Variants in KAT6B observed in about 807,000 individuals in gnomAD.
KAT6B encodes lysine acetyltransferase 6B, also known as histone acetyltransferase KAT6B.
A neutral mutation model predicts 187.5 loss-of-function variants in KAT6B; 10 were observed. That is an observed-to-expected ratio of 0.05 (90% CI 0.03 to 0.09). The LOEUF (loss-of-function observed/expected upper bound fraction) is 0.09. Among genes scored for constraint, KAT6B ranks in the 10% least tolerant of loss-of-function variants. KAT6B has a pLI of 1.00. For missense variants in KAT6B, 1,952 were observed against 2,558.9 expected (o/e 0.76, Z 5.12); for synonymous variants, 861 against 926.8 (o/e 0.93, Z 1.29).
At chr10:74,991,207 C>G (rs146292080) in intron 13 of KAT6B, among the ~76,000 whole-genome samples, 2 of 152,212 alleles carry the variant, frequency 1.3e-5, no homozygotes, top group Admixed American at 1.3e-4. Flanking sequence ...TTCTCTGTAT[C>G]CACTAGGACA....
intron 13 of KAT6B, among the ~76,000 whole-genome samples, chr10:75,009,846 A>G (rs907319240): frequency 2.6e-5 from 4 of 152,202 alleles, no homozygotes; most frequent in Non-Finnish European, 1.5e-5. Context: ...TACTAAAAAT[A>G]CAAAATTACC....
At position 75,022,090 on chromosome 10, in the gene KAT6B, CGAGGAGGAGGAAGAA is replaced by C. The variant is rs764404408; in HGVS notation, c.3240_3254del (p.Glu1085_Glu1089del). ...GTGAAGAAGAAGAGGAGGAGGAGGA[CGAGGAGGAGGAAGAA>C]GAGGAGGAAGAAGAGGAAGAGGATG... On this transcript the variant is annotated inframe_deletion, in exon 16 of 18. Transcript: ENST00000287239. 15 of 1,595,120 alleles carry C rather than the reference CGAGGAGGAGGAAGAA, an allele frequency of 9.4e-6. No individual in the cohort carries two copies. Among genetic ancestry groups the C allele is most frequent in the Non-Finnish European group, 1.1e-5 (13 of 1,168,138 alleles).
In KAT6B at chr10:74,931,246, T is replaced by A. The variant is rs540802367; in HGVS notation, c.622-28724T>A. On this transcript the variant is annotated intron_variant, in intron 3 of 17. Transcript: ENST00000287239. ...TCCAACTGAAAGGCCTCCTTTCCTC[T>A]CCTGTCCCTGGGTGAATCTTTGCTC... Among the ~76,000 whole-genome samples, 302 of 152,274 alleles carry A rather than the reference T, an allele frequency of 2.0e-3. 1 individual carries two copies. Among genetic ancestry groups the A allele is most frequent in the Non-Finnish European group, 3.6e-3 (243 of 68,020 alleles).
At chr10:74,905,623 A>G (rs1846702281) in intron 3 of KAT6B, among the ~76,000 whole-genome samples, 1 of 152,168 alleles carries the variant, frequency 6.6e-6, no homozygotes, top group Non-Finnish European at 1.5e-5. Context: ...TGTCTGTAAA[A>G]TGAGGGTTAA....
chr10:74,877,545 A>C (rs1286487926), intron 3 of KAT6B, among the ~76,000 whole-genome samples: 1 of 152,200 alleles, frequency 6.6e-6, no homozygotes, highest in Non-Finnish European at 1.5e-5. Flanking sequence ...TGGTTATACT[A>C]TGCCTGGATC....
chr10:74,851,432 C>G (rs767096791), intron 3 of KAT6B, among the ~76,000 whole-genome samples: 3 of 151,136 alleles, frequency 2.0e-5, no homozygotes, highest in Non-Finnish European at 2.9e-5. Flanking sequence ...CTCCCTGGTT[C>G]AAGCAATTCT....
chr10:74,885,072 T>TTA (rs1564542270), intron 3 of KAT6B, among the ~76,000 whole-genome samples: 1 of 151,472 alleles, frequency 6.6e-6, no homozygotes, highest in Non-Finnish European at 1.5e-5. Flanking sequence ...TTAATTAATT[T>TTA]ATTTATTTAT....
intron 10 of KAT6B, 115 bp downstream of exon 10, chr10:74,979,454 C>T (rs1264749854): frequency 7.7e-6 from 6 of 774,200 alleles, no homozygotes; most frequent in African/African-American, 1.7e-5. Context: ...TTTTGGTAGT[C>T]AATGCCAAGT....
At position 74,964,254 on chromosome 10, in the gene KAT6B, C is replaced by CTGTGCT. The variant is rs143850980; in HGVS notation, c.730+4180_730+4185dup. On this transcript the variant is annotated intron_variant, in intron 4 of 17. Transcript: ENST00000287239. ...CCAAAGAGATGTAACTTCACTAAAA[C>CTGTGCT]TGTGCTTGTCTGGGTAATAGTGACC... Among the ~76,000 whole-genome samples the CTGTGCT allele has an allele frequency of 3.6e-3, 548 of 152,336 alleles. 4 individuals are homozygous for CTGTGCT. Among genetic ancestry groups the CTGTGCT allele is most frequent in the African/African-American group, 0.012 (515 of 41,572 alleles).
At chr10:74,992,614 T>C (rs1323212544) in intron 13 of KAT6B, among the ~76,000 whole-genome samples, 1 of 152,204 alleles carries the variant, frequency 6.6e-6, no homozygotes, top group Admixed American at 6.5e-5. Flanking sequence ...TTGTAAGTTG[T>C]AAGTTGAACC....
chr10:74,975,104 A>G (rs1211135699), intron 7 of KAT6B, among the ~76,000 whole-genome samples: 1 of 152,186 alleles, frequency 6.6e-6, no homozygotes, highest in Non-Finnish European at 1.5e-5. Context: ...ATTTAATTAT[A>G]ATTAAAGCAT....
At chr10:74,973,019 A>G (rs903838172) in intron 7 of KAT6B, among the ~76,000 whole-genome samples, 1 of 152,130 alleles carries the variant, frequency 6.6e-6, no homozygotes, top group Non-Finnish European at 1.5e-5. Flanking sequence ...TCTATAGCAA[A>G]TCTCTTTTGT....
intron 3 of KAT6B, among the ~76,000 whole-genome samples, chr10:74,892,688 A>G (rs1318497181): frequency 2.0e-5 from 3 of 152,158 alleles, no homozygotes; most frequent in African/African-American, 7.2e-5. Context: ...GAAAGGCCTC[A>G]AGAGAATAAC....
chr10:74,900,754 T>C (rs1426863092), intron 3 of KAT6B, among the ~76,000 whole-genome samples: 1 of 152,186 alleles, frequency 6.6e-6, no homozygotes, highest in Non-Finnish European at 1.5e-5. Context: ...TCCCAGCCAA[T>C]AGCTATCACT....
intron 3 of KAT6B, among the ~76,000 whole-genome samples, chr10:74,881,364 T>C (rs1028581963): frequency 6.6e-6 from 1 of 152,166 alleles, no homozygotes; most frequent in Non-Finnish European, 1.5e-5. Flanking sequence ...CATAAGGTTG[T>C]TGTGAGGCTT....
rs1842123098 is a variant in KAT6B at position 74,975,861 on chromosome 10, A to G, written c.1524A>G (p.Gln508=). The G allele has an allele frequency of 1.2e-6, 2 of 1,613,946 alleles. No homozygotes were observed. Among genetic ancestry groups the G allele is most frequent in the African/African-American group, 1.3e-5 (1 of 74,890 alleles). The part of the protein sequence containing the change: ...TPISGQSPSS[Q]KSSTATSSPS... ...TCTCCGGTCAGAGCCCCAGTTCACA[A>G]AAGTCCAGCACGGCCACTTCTTCTC... Residue 508 remains glutamine, a synonymous_variant, in exon 8 of 18, where the codon CAA becomes CAG. Coordinates refer to ENST00000287239, the MANE Select transcript of KAT6B (RefSeq NM_012330.4).
At position 74,957,932 on chromosome 10, in the gene KAT6B, C is replaced by T. The variant is rs1399716215; in HGVS notation, c.622-2038C>T. 7.2e-5 allele frequency among the ~76,000 whole-genome samples: 11 copies of T among 152,268 alleles called. No individual in the cohort carries two copies. In the East Asian group the frequency reaches 1.7e-3, roughly 24 times the overall value. On this transcript the variant is annotated intron_variant, in intron 3 of 17. Transcript: ENST00000287239. ...CAATTTGTTATAGCTTGTCTCTTTT[C>T]GTTTTTCTAGTACAGAATGTTTTAT... is the stretch of plus-strand genomic sequence containing the variant.
rs1841911363 is a variant in KAT6B at position 74,972,526 on chromosome 10, C to T, written c.948C>T (p.Val316=). ...ATTCAGGGATGTGGATTTGCCAAGT[C>T]TGCAGACCAAAGAAAAAGGGAAGAA... ...RMPKGMWICQ[V]CRPKKKGRKL... is the part of the protein sequence containing the mutation. The change falls in exon 7 of 18, where the codon GTC becomes GTT. Residue 316 remains valine, a synonymous_variant. Transcript: ENST00000287239. 6.2e-7 allele frequency: 1 copy of T among 1,605,780 alleles called. No homozygotes were observed. The highest frequency in any genetic ancestry group is 8.5e-7 in the Non-Finnish European group (1 of 1,173,218).
chr10:74,885,051 AAATT>A (rs1320366609), intron 3 of KAT6B, among the ~76,000 whole-genome samples: 16 of 152,026 alleles, frequency 1.1e-4, no homozygotes, highest in African/African-American at 3.4e-4. Context: ...TTGAAAATGT[AAATT>A]AATTAATTAA....
Sources: allele counts gnomAD v4.1 joint callset (sites outside exome capture counted in the v4.1 genomes callset), GRCh38; gene constraint gnomAD v4.1.1; transcripts MANE v1.5; gene names NCBI Gene and HGNC (gene_info 2026-07-23, HGNC 2026-07-21).